The following TNPO3 variants were observed in gnomAD, a reference collection of about 807,000 sequenced individuals.
TNPO3 encodes transportin-3.
TNPO3 carries 65 observed loss-of-function variants against 122.8 expected under a neutral mutation model. The ratio of observed to expected loss-of-function variants is 0.53; its 90% CI spans 0.43 to 0.65. TNPO3 has a LOEUF of 0.65. Ranked by LOEUF, TNPO3 falls within the 30% of genes least tolerant of loss-of-function variation. TNPO3 has a pLI of 0.00. For synonymous variants in TNPO3, 372 were observed against 411.2 expected, an observed-to-expected ratio of 0.90 and a Z score of 1.15; for missense variants, 850 against 1,136.7, an observed-to-expected ratio of 0.75 and a Z score of 3.63.
At chr7:129,012,859 C>T (rs1803369133) in intron 4 of TNPO3, among the ~76,000 whole-genome samples, 1 of 152,074 alleles carries the variant, frequency 6.6e-6, no homozygotes, top group South Asian at 2.1e-4. Context: ...AAATAATGGA[C>T]AAAATATAAC....
chr7:128,966,509 T>C (rs1028345251), intron 21 of TNPO3, among the ~76,000 whole-genome samples: 6 of 152,222 alleles, frequency 3.9e-5, no homozygotes, highest in African/African-American at 1.4e-4. Context: ...TCATAACCTT[T>C]GATTCGGTGA....
intron 1 of TNPO3, among the ~76,000 whole-genome samples, chr7:129,049,472 G>C (rs1278443454): frequency 6.6e-6 from 1 of 152,192 alleles, no homozygotes; most frequent in African/African-American, 2.4e-5. Context: ...TCCACATTTG[G>C]TAAGGAGAGA....
At chr7:128,985,074 G>C (rs1212385455) in intron 12 of TNPO3, among the ~76,000 whole-genome samples, 1 of 151,908 alleles carries the variant, frequency 6.6e-6, no homozygotes, top group Non-Finnish European at 1.5e-5. Flanking sequence ...GTCCCTTCTA[G>C]GTCAAAAAAC....
upstream of TNPO3, chr7:129,056,158 C>T: frequency 8.5e-6 from 8 of 937,190 alleles, no homozygotes; most frequent in South Asian, 1.3e-5. Context: ...CTCGCCACTG[C>T]GTATAACGAG....
chr7:129,030,557 A>G (rs1285189359), intron 1 of TNPO3: 1 of 152,380 alleles, frequency 6.6e-6, no homozygotes, highest in Non-Finnish European at 1.5e-5. Flanking sequence ...ATTGTTAACC[A>G]TGAGTCCAGC....
At chr7:129,038,164 G>C (rs1026741756) in intron 1 of TNPO3, among the ~76,000 whole-genome samples, 17 of 152,190 alleles carry the variant, frequency 1.1e-4, no homozygotes, top group Admixed American at 7.9e-4. Flanking sequence ...TAAAAAGCTA[G>C]AGCAGACTTC....
chr7:129,015,279 T>A, intron 3 of TNPO3, 144 bp from the exon 4 acceptor site: 1 of 758,332 alleles, frequency 1.3e-6, no homozygotes, highest in Non-Finnish European at 2.1e-6. Context: ...CAAACATAAA[T>A]GTCCTCCATA....
chr7:129,008,008 G>T (rs188142887), intron 4 of TNPO3, among the ~76,000 whole-genome samples: 1 of 151,968 alleles, frequency 6.6e-6, no homozygotes, highest in Admixed American at 6.6e-5. Flanking sequence ...AATTAGCCAG[G>T]TGTGGTGGCA....
At chr7:129,024,207 A>G (rs1472823804) in intron 1 of TNPO3, among the ~76,000 whole-genome samples, 1 of 152,188 alleles carries the variant, frequency 6.6e-6, no homozygotes, top group Non-Finnish European at 1.5e-5. Flanking sequence ...GTGAAAACTT[A>G]AAACTACTCT....
chr7:128,978,930 C>T, intron 16 of TNPO3, 53 bp downstream of exon 16: 1 of 1,601,900 alleles, frequency 6.2e-7, no homozygotes, highest in Non-Finnish European at 8.5e-7. Flanking sequence ...CCGCACCCTG[C>T]CTATTTCAAA....
At chr7:128,986,275 C>T (rs946504954) in intron 12 of TNPO3, among the ~76,000 whole-genome samples, 2 of 152,172 alleles carry the variant, frequency 1.3e-5, no homozygotes, top group Non-Finnish European at 2.9e-5. Context: ...TCTGGATAGA[C>T]AATCACTCAG....
At chr7:129,017,620 C>G (rs1277953152) in intron 2 of TNPO3, among the ~76,000 whole-genome samples, 1 of 152,220 alleles carries the variant, frequency 6.6e-6, no homozygotes, top group Non-Finnish European at 1.5e-5. Context: ...AGGACAGATG[C>G]TCTAGTTCAA....
intron 4 of TNPO3, among the ~76,000 whole-genome samples, chr7:129,014,381 G>C (rs1803588990): frequency 6.6e-6 from 1 of 152,118 alleles, no homozygotes; most frequent in African/African-American, 2.4e-5. Flanking sequence ...AATTTAGCTG[G>C]GCATGGTGGC....
chr7:128,993,550 C>T (rs4391367), intron 9 of TNPO3, among the ~76,000 whole-genome samples: 1 of 152,194 alleles, frequency 6.6e-6, no homozygotes, highest in Non-Finnish European at 1.5e-5. Flanking sequence ...TCTATTCCAG[C>T]TGTACAAGTG....
chr7:128,969,183 T>G (rs949878489), intron 20 of TNPO3, among the ~76,000 whole-genome samples: 1 of 152,224 alleles, frequency 6.6e-6, no homozygotes, highest in African/African-American at 2.4e-5. Flanking sequence ...TTCTGTTACT[T>G]GGGAACCAAA....
At chr7:128,961,237 G>A (rs575001249) in intron 21 of TNPO3, among the ~76,000 whole-genome samples, 3 of 151,972 alleles carry the variant, frequency 2.0e-5, no homozygotes, top group Non-Finnish European at 4.4e-5. Flanking sequence ...TTCCATTCAT[G>A]GTAAGTGCCC....
rs1181691695 is a variant in TNPO3, at chr7:129,044,411, G to A, written c.120+10240C>T. Among the ~76,000 whole-genome samples the A allele has an allele frequency of 7.2e-5, 11 of 152,156 alleles. 1 individual carries two copies. In the South Asian group the frequency reaches 2.1e-3, roughly 29 times the overall value. ...GAAAAAAGAATTGTGCTGTGGGCTTGAGAAAAAAATAAGTAAAAACCATTA... is the reference window on the plus strand; with the variant it reads ...GAAAAAAGAATTGTGCTGTGGGCTTAAGAAAAAAATAAGTAAAAACCATTA... On this transcript the variant is annotated intron_variant, in intron 1 of 22. Transcript: ENST00000265388.
chr7:129,011,419 C>T (rs568993227), intron 4 of TNPO3, among the ~76,000 whole-genome samples: 7 of 152,344 alleles, frequency 4.6e-5, no homozygotes, highest in South Asian at 4.1e-4. Context: ...TCTCGGCCCA[C>T]TGCAACCTCT....
chr7:129,023,130 T>C (rs1490211131), intron 1 of TNPO3, among the ~76,000 whole-genome samples: 1 of 152,098 alleles, frequency 6.6e-6, no homozygotes, highest in Non-Finnish European at 1.5e-5. Context: ...GAGACAGAGC[T>C]ACTGAGTAAT....
Sources: allele counts gnomAD v4.1 joint callset (sites outside exome capture counted in the v4.1 genomes callset), GRCh38; gene constraint gnomAD v4.1.1; transcripts MANE v1.5; gene names NCBI Gene and HGNC (gene_info 2026-07-23, HGNC 2026-07-21).